The following CCDC91 variants were observed in gnomAD, a reference collection of about 807,000 sequenced individuals.
The protein encoded by CCDC91 is coiled-coil domain-containing protein 91.
CCDC91 carries 48 observed loss-of-function variants against 63.2 expected under a neutral mutation model. That is an observed-to-expected ratio of 0.76 (90% CI 0.60 to 0.97). The LOEUF (loss-of-function observed/expected upper bound fraction) is 0.97, where lower values mean the gene tolerates loss of function less well. Among genes scored for constraint, CCDC91 ranks in the 50% least tolerant of loss-of-function variants. The probability of loss-of-function intolerance (pLI) is 0.00; values close to 1 mark genes in which losing one functional copy is unlikely to be tolerated. For synonymous variants in CCDC91, 167 were observed against 165.8 expected (o/e 1.01, Z -0.06); for missense variants, 500 against 494.6 (o/e 1.01, Z -0.10).
chr12:28,315,239 A>C (rs1217610532), intron 6 of CCDC91, among the ~76,000 whole-genome samples: 1 of 151,734 alleles, frequency 6.6e-6, no homozygotes, highest in African/African-American at 2.4e-5. Context: ...ATCTTGGCTC[A>C]CTGCAACTTC....
At chr12:28,439,394 G>A (rs1279710710) in intron 8 of CCDC91, among the ~76,000 whole-genome samples, 1 of 152,142 alleles carries the variant, frequency 6.6e-6, no homozygotes, top group African/African-American at 2.4e-5. Context: ...TTTAAGTCAT[G>A]TTAAGTGGAG....
intron 8 of CCDC91, among the ~76,000 whole-genome samples, chr12:28,432,718 C>T (rs530518538): frequency 2.6e-5 from 4 of 152,206 alleles, no homozygotes; most frequent in African/African-American, 7.2e-5. Context: ...GAGTTTTCAA[C>T]TTATTTGGGT....
At chr12:28,409,909 T>C (rs779618494) in intron 8 of CCDC91, among the ~76,000 whole-genome samples, 7 of 152,178 alleles carry the variant, frequency 4.6e-5, no homozygotes, top group Non-Finnish European at 1.0e-4. Context: ...AACATACTTA[T>C]GTGGTTTGAA....
At chr12:28,314,798 G>A (rs1939673635) in intron 6 of CCDC91, among the ~76,000 whole-genome samples, 1 of 151,938 alleles carries the variant, frequency 6.6e-6, no homozygotes, top group African/African-American at 2.4e-5. Context: ...TTTTAGATTA[G>A]ATTTGATGTT....
At chr12:28,348,225 G>A (rs1357296766) in intron 6 of CCDC91, among the ~76,000 whole-genome samples, 1 of 152,282 alleles carries the variant, frequency 6.6e-6, no homozygotes, top group Non-Finnish European at 1.5e-5. Flanking sequence ...TACCAGCATC[G>A]GTCTCATTTG....
chr12:28,309,766 C>T (rs1379159781), intron 6 of CCDC91, among the ~76,000 whole-genome samples: 3 of 152,030 alleles, frequency 2.0e-5, no homozygotes, highest in Non-Finnish European at 4.4e-5. Context: ...ATACTTTTAA[C>T]AGCTCTCGCT....
chr12:28,521,064 G>T (rs972108388), intron 12 of CCDC91, among the ~76,000 whole-genome samples: 131 of 151,958 alleles, frequency 8.6e-4, no homozygotes, highest in African/African-American at 2.6e-3. Flanking sequence ...GGCTCTTTTT[G>T]GGTTCCATAT....
intron 8 of CCDC91, among the ~76,000 whole-genome samples, chr12:28,439,968 G>T (rs1592679435): frequency 6.8e-6 from 1 of 145,992 alleles, no homozygotes. Flanking sequence ...TCTTCAATTT[G>T]CTAAAAAAAA....
At chr12:28,427,921 C>G (rs1254438653) in intron 8 of CCDC91, among the ~76,000 whole-genome samples, 1 of 151,974 alleles carries the variant, frequency 6.6e-6, no homozygotes, top group East Asian at 1.9e-4. Context: ...AGATTAAAAG[C>G]TTTTTTGGAA....
At chr12:28,286,889 T>G (rs61922977) in intron 3 of CCDC91, among the ~76,000 whole-genome samples, 30,500 of 152,218 alleles carry the variant, frequency 0.2, 4,004 homozygotes, top group Non-Finnish European at 0.3. Context: ...TTTTTTTGAC[T>G]TTTTAATAAT....
At chr12:28,233,860 G>C (rs1944760766) in intron 1 of CCDC91, among the ~76,000 whole-genome samples, 1 of 151,848 alleles carries the variant, frequency 6.6e-6, no homozygotes, top group Non-Finnish European at 1.5e-5. Flanking sequence ...AGTTCATTCT[G>C]GGATATAAGT....
chr12:28,537,580 TAAC>T (rs1392868207), intron 12 of CCDC91, among the ~76,000 whole-genome samples: 4 of 152,148 alleles, frequency 2.6e-5, no homozygotes, highest in African/African-American at 9.7e-5. Flanking sequence ...AAACTAGAAA[TAAC>T]AACAGCATAA....
At chr12:28,419,459 CAA>C (rs1390497090) in intron 8 of CCDC91, among the ~76,000 whole-genome samples, 1 of 151,954 alleles carries the variant, frequency 6.6e-6, no homozygotes, top group Non-Finnish European at 1.5e-5. Context: ...AAAAATGACA[CAA>C]GAAAAATATA....
chr12:28,523,458 C>T (rs975702618), intron 12 of CCDC91, among the ~76,000 whole-genome samples: 1 of 152,072 alleles, frequency 6.6e-6, no homozygotes, highest in Non-Finnish European at 1.5e-5. Context: ...TATTTTGAGC[C>T]TATGTGTGTC....
At chr12:28,247,749 C>T (rs1288197955) in intron 1 of CCDC91, among the ~76,000 whole-genome samples, 2 of 152,090 alleles carry the variant, frequency 1.3e-5, no homozygotes, top group Middle Eastern at 3.2e-3. Flanking sequence ...GGTCCCGAAC[C>T]TTGTTGGCAC....
At chr12:28,451,819 T>C (rs188663136) in intron 10 of CCDC91, among the ~76,000 whole-genome samples, 33 of 151,772 alleles carry the variant, frequency 2.2e-4, no homozygotes, top group Admixed American at 1.6e-3. Flanking sequence ...TCATCAAGAA[T>C]ATCCACAATT....
chr12:28,279,818 G>A (rs551193893), intron 3 of CCDC91, among the ~76,000 whole-genome samples: 123 of 151,836 alleles, frequency 8.1e-4, no homozygotes, highest in Middle Eastern at 6.8e-3. Context: ...TTTCTGTAAA[G>A]CATATTCTCA....
At chr12:28,339,993 A>G (rs759882231) in intron 6 of CCDC91, among the ~76,000 whole-genome samples, 47 of 152,188 alleles carry the variant, frequency 3.1e-4, no homozygotes, top group Non-Finnish European at 5.6e-4. Flanking sequence ...CACACTACTT[A>G]TAGCTATATT....
Position 28,301,238 on chromosome 12 carries a change from C to T in CCDC91, c.110-4411C>T, listed in dbSNP as rs74560632. On this transcript the variant is annotated intron_variant, in intron 3 of 12. Transcript: ENST00000536442. ...TTATATATTTTATTTTCTTAAAAAG[C>T]GTCCATCAGTTTCTATTTTCTGATT... Among the ~76,000 whole-genome samples the T allele has an allele frequency of 2.2e-3, 339 of 151,588 alleles. 6 individuals are homozygous for T. In the South Asian group the frequency reaches 0.034, roughly 15 times the overall value.
Sources: gnomAD v4.1 joint callset for allele counts (sites outside exome capture counted in the v4.1 genomes callset) on GRCh38, gnomAD v4.1.1 for gene constraint, MANE v1.5 for transcripts, NCBI Gene and HGNC (gene_info 2026-07-23, HGNC 2026-07-21) for gene names.